Variants in NUAK1 observed in about 807,000 individuals in gnomAD.
NUAK1 encodes NUAK family SNF1-like kinase 1.
NUAK1 carries 26 observed loss-of-function variants against 56.9 expected under a neutral mutation model. That is an observed-to-expected ratio of 0.46 (90% CI 0.33 to 0.63). The LOEUF is 0.63. Among genes scored for constraint, NUAK1 ranks in the 30% least tolerant of loss-of-function variants. The probability of loss-of-function intolerance (pLI) is 0.02; values close to 1 mark genes in which losing one functional copy is unlikely to be tolerated. For synonymous variants in NUAK1, 337 were observed against 336.0 expected (o/e 1.00, Z -0.03); for missense variants, 727 against 876.1 (o/e 0.83, Z 2.15).
At chr12:106,110,190 C>A (rs1390924668) in intron 1 of NUAK1, among the ~76,000 whole-genome samples, 8 of 152,216 alleles carry the variant, frequency 5.3e-5, no homozygotes, top group Admixed American at 4.6e-4. Flanking sequence ...CCCACACTGT[C>A]TCCTTTCACC....
chr12:106,070,874 G>A lies in NUAK1; in HGVS notation c.732C>T (p.Tyr244=). Residue 244 remains tyrosine (Y), a synonymous_variant, in exon 6 of 7, where the codon TAC becomes TAT. Transcript: ENST00000261402. ...AGGGCATTGTTCCATAAACAAGAGTGTAAAGCAACACACCCAGGGCCCAGC... is the reference window on the plus strand; with the variant it reads ...AGGGCATTGTTCCATAAACAAGAGTATAAAGCAACACACCCAGGGCCCAGC... ...VDSWALGVLL[Y]TLVYGTMPFD... The A allele has an allele frequency of 6.2e-6, 10 of 1,614,156 alleles. No homozygotes were observed. Among genetic ancestry groups the A allele is most frequent in the Middle Eastern group, 1.6e-4 (1 of 6,062 alleles).
intron 2 of NUAK1, among the ~76,000 whole-genome samples, chr12:106,087,883 G>A (rs1447505085): frequency 1.3e-5 from 2 of 152,232 alleles, no homozygotes; most frequent in African/African-American, 4.8e-5. Context: ...CCAGTCCCCA[G>A]CATGGATGGG....
chr12:106,102,319 T>C (rs1386013044), intron 2 of NUAK1, among the ~76,000 whole-genome samples: 1 of 152,108 alleles, frequency 6.6e-6, no homozygotes, highest in Non-Finnish European at 1.5e-5. Context: ...ACACAACACA[T>C]GAAACATTAT....
In NUAK1 at chr12:106,105,154, T is replaced by C. The variant is rs150416430; in HGVS notation, c.361+1251A>G. On this transcript the variant is annotated intron_variant, in intron 2 of 6. Transcript: ENST00000261402. ...TTTTTAGTAGAGACGGGTTTCACCA[T>C]GTTGGCCAGGCTGGTCTCGAACTCC... Among the ~76,000 whole-genome samples the C allele has an allele frequency of 1.5e-4, 23 of 152,240 alleles. No homozygotes were observed. The East Asian group carries it at 2.9e-3, about 19-fold the overall frequency.
At position 106,067,763 on chromosome 12, in the gene NUAK1, TG is replaced by T; in HGVS notation, c.1024del (p.Gln342ArgfsTer8). ...IDWHHRSTGLQADTEAKMKGL... is the reference protein window; with the variant it reads ...IDWHHRSTGLXADTEAKMKGL... ...CTTCATTTTGGCTTCGGTGTCAGCC[TG>T]CAGCCCTGTGGAACGGTGGTGCCAG... On this transcript the variant is annotated frameshift_variant, in exon 7 of 7. Transcript: ENST00000261402. LOFTEE classifies it high-confidence loss of function. This position sits in a 1 kb window ranked among gnomAD's most constrained non-coding sequence, Gnocchi z 6.0. The T allele has an allele frequency of 6.2e-7, 1 of 1,614,186 alleles. No individual in the cohort carries two copies. Among genetic ancestry groups the T allele is most frequent in the Non-Finnish European group, 8.5e-7 (1 of 1,180,030 alleles).
At chr12:106,116,763 C>T in intron 1 of NUAK1, among the ~76,000 whole-genome samples, 1 of 152,206 alleles carries the variant, frequency 6.6e-6, no homozygotes, top group South Asian at 2.1e-4. Context: ...GCCGCACTGC[C>T]TTGTCCCCAC....
intron 1 of NUAK1, among the ~76,000 whole-genome samples, chr12:106,132,219 C>T (rs1336900524): frequency 1.3e-5 from 2 of 152,200 alleles, no homozygotes; most frequent in Non-Finnish European, 2.9e-5. Context: ...GCTCTGTAAC[C>T]TGCCATTCAT....
At chr12:106,093,788 T>C (rs148729050) in intron 2 of NUAK1, among the ~76,000 whole-genome samples, 1 of 152,220 alleles carries the variant, frequency 6.6e-6, no homozygotes, top group African/African-American at 2.4e-5. Flanking sequence ...AAGAGTCTTT[T>C]GTTGAGTTTT....
At chr12:106,131,262 T>C (rs1273114682) in intron 1 of NUAK1, among the ~76,000 whole-genome samples, 3 of 152,180 alleles carry the variant, frequency 2.0e-5, no homozygotes, top group African/African-American at 7.2e-5. Flanking sequence ...TTTAGTATAT[T>C]CGGAGGGGTG....
At chr12:106,118,629 A>G (rs1448200610) in intron 1 of NUAK1, among the ~76,000 whole-genome samples, 1 of 152,158 alleles carries the variant, frequency 6.6e-6, no homozygotes, top group Non-Finnish European at 1.5e-5. Context: ...CCTTACAACA[A>G]AACTGTCAAA....
At chr12:106,119,537 A>G (rs970838122) in intron 1 of NUAK1, among the ~76,000 whole-genome samples, 1 of 152,216 alleles carries the variant, frequency 6.6e-6, no homozygotes, top group Admixed American at 6.5e-5. Flanking sequence ...TTACTCACAG[A>G]AAATCTGTAG....
At chr12:106,101,463 C>T (rs2032747245) in intron 2 of NUAK1, among the ~76,000 whole-genome samples, 1 of 152,114 alleles carries the variant, frequency 6.6e-6, no homozygotes, top group Admixed American at 6.5e-5. Context: ...TTAGCACAGG[C>T]CCTAATCCAA....
Position 106,066,774 on chromosome 12 carries a change from C to A in NUAK1, c.*28G>T, listed in dbSNP as rs529906414. On this transcript the variant is annotated 3_prime_UTR_variant, in exon 7 of 7. Transcript: ENST00000261402. ...CTTGCTCCCCTTCCTCCCTCGTACC[C>A]CCGCCCGCCCCTGGGCGCCCTGGAA... is the stretch of plus-strand genomic sequence containing the variant. 8 of 1,567,602 alleles carry A rather than the reference C, an allele frequency of 5.1e-6. No homozygotes were observed. The African/African-American group carries it at 9.5e-5, about 19-fold the overall frequency.
intron 1 of NUAK1, among the ~76,000 whole-genome samples, chr12:106,114,548 G>A (rs2032897328): frequency 6.6e-6 from 1 of 152,186 alleles, no homozygotes; most frequent in African/African-American, 2.4e-5. Flanking sequence ...TGTTAGAGCT[G>A]TAAGGACTTA....
chr12:106,072,820 G>A lies in NUAK1; in HGVS notation c.603C>T (p.Asn201=). 1 of 1,614,050 alleles carries A rather than the reference G, an allele frequency of 6.2e-7. No homozygotes were observed. The highest frequency in any genetic ancestry group is 8.5e-7 in the Non-Finnish European group (1 of 1,179,942). The part of the protein sequence containing the change: ...NIKIADFGLS[N]LYQKDKFLQT... Reference sequence around the variant, plus strand: ...GTAAGAACTTATCCTTCTGGTACAGGTTGGAAAGCCCAAAGTCAGCAATCT... The same window carrying A: ...GTAAGAACTTATCCTTCTGGTACAGATTGGAAAGCCCAAAGTCAGCAATCT... The change falls in exon 5 of 7, where the codon AAC becomes AAT. Residue 201 remains asparagine, a synonymous_variant. Transcript: ENST00000261402.
At chr12:106,075,857 A>G (rs1002144084) in intron 4 of NUAK1, among the ~76,000 whole-genome samples, 1 of 152,278 alleles carries the variant, frequency 6.6e-6, no homozygotes, top group Admixed American at 6.5e-5. Flanking sequence ...CAAAGAGACC[A>G]GGCCTCCGGC....
intron 6 of NUAK1, among the ~76,000 whole-genome samples, chr12:106,069,232 G>C (rs755511255): frequency 1.6e-4 from 25 of 152,280 alleles, no homozygotes; most frequent in Admixed American, 6.5e-5. Context: ...TATGCACAGA[G>C]CAGCAAAAAG....
In NUAK1 at chr12:106,065,850, A is replaced by G. The variant is rs1592845863; in HGVS notation, c.*952T>C. On this transcript the variant is annotated 3_prime_UTR_variant, in exon 7 of 7. Transcript: ENST00000261402. ...TGCATCAACTTCCATTCATCTGTGC[A>G]AAGATCACAGACCATCTTGTGCCCT... 6.5e-6 allele frequency: 1 copy of G among 152,688 alleles called. No homozygotes were observed. The highest frequency in any genetic ancestry group is 6.5e-5 in the Admixed American group (1 of 15,284). 9.5% of individuals were successfully genotyped at this position (152,688 alleles called of 1,614,324 possible).
chr12:106,107,185 G>C (rs979302670), intron 1 of NUAK1, among the ~76,000 whole-genome samples: 1 of 151,944 alleles, frequency 6.6e-6, no homozygotes, highest in Non-Finnish European at 1.5e-5. Flanking sequence ...CTCCCTGCCC[G>C]GCCCCTGTCA....
Sources: allele counts gnomAD v4.1 joint callset (sites outside exome capture counted in the v4.1 genomes callset), GRCh38; gene constraint gnomAD v4.1.1; non-coding constraint Gnocchi (gnomAD v3.1); transcripts MANE v1.5; gene names NCBI Gene and HGNC (gene_info 2026-07-23, HGNC 2026-07-21).